Variants in PLCZ1 observed in about 807,000 individuals in gnomAD.
PLCZ1 encodes the protein phospholipase C zeta 1, also known as 1-phosphatidylinositol 4,5-bisphosphate phosphodiesterase zeta-1.
Under a neutral mutation model 76.8 loss-of-function variants are expected in PLCZ1, and 64 were observed. The ratio of observed to expected loss-of-function variants is 0.83; its 90% CI spans 0.68 to 1.03. The LOEUF (loss-of-function observed/expected upper bound fraction) is 1.03, where lower values mean the gene tolerates loss of function less well. PLCZ1 is among the 50% of genes least tolerant of loss of function. The pLI is 0.00. For missense variants in PLCZ1, 751 were observed against 713.7 expected, an observed-to-expected ratio of 1.05 and a Z score of -0.60; for synonymous variants, 248 against 230.8, an observed-to-expected ratio of 1.07 and a Z score of -0.68.
the PLCZ1 span, among the ~76,000 whole-genome samples, chr12:18,677,337 C>T: frequency 6.6e-6 from 1 of 152,090 alleles, no homozygotes; most frequent in Non-Finnish European, 1.5e-5. Flanking sequence ...TGAATCAGCA[C>T]CGTGCAATCA....
the PLCZ1 span, among the ~76,000 whole-genome samples, chr12:18,676,215 T>A: frequency 6.6e-6 from 1 of 152,136 alleles, no homozygotes; most frequent in Admixed American, 6.6e-5. Flanking sequence ...CAGGTCCTAA[T>A]CATGTTGTTT....
intron 4 of PLCZ1, among the ~76,000 whole-genome samples, chr12:18,721,564 G>A (rs1362093995): frequency 1.3e-5 from 2 of 151,978 alleles, no homozygotes; most frequent in African/African-American, 2.4e-5. Context: ...GAAGTTTACA[G>A]TGCCAAAGTA....
chr12:18,713,796 G>A (rs1280461654), intron 5 of PLCZ1: 1 of 152,122 alleles, frequency 6.6e-6, no homozygotes, highest in Non-Finnish European at 1.5e-5. Flanking sequence ...TGCTTCTGCT[G>A]ATATCTAAAA....
chr12:18,675,940 C>T, the PLCZ1 span, among the ~76,000 whole-genome samples: 2 of 151,870 alleles, frequency 1.3e-5, no homozygotes, highest in African/African-American at 4.8e-5. Context: ...ATGACAAGCA[C>T]ATTAGAAACT....
intron 5 of PLCZ1, chr12:18,714,604 G>A: frequency 6.6e-6 from 1 of 152,130 alleles, no homozygotes; most frequent in Admixed American, 6.6e-5. Context: ...AAGCTCCCTT[G>A]TCATACATAG....
At chr12:18,671,437 C>T in the PLCZ1 span, among the ~76,000 whole-genome samples, 1 of 152,126 alleles carries the variant, frequency 6.6e-6, no homozygotes, top group East Asian at 1.9e-4. Context: ...CTGTGTGTGA[C>T]TGCGTCAGCA....
At chr12:18,668,949 G>A in the PLCZ1 span, among the ~76,000 whole-genome samples, 29 of 151,924 alleles carry the variant, frequency 1.9e-4, no homozygotes, top group African/African-American at 5.1e-4. Context: ...AGAAAAAATC[G>A]TGAATAAGAG....
chr12:18,686,124 A>G (rs1017616789), intron 13 of PLCZ1, among the ~76,000 whole-genome samples: 36 of 151,940 alleles, frequency 2.4e-4, no homozygotes, highest in Middle Eastern at 3.2e-3. Flanking sequence ...TTTCTCACTT[A>G]CATCCCCCAT....
chr12:18,706,009 C>T (rs543805273), intron 6 of PLCZ1, among the ~76,000 whole-genome samples: 7 of 151,906 alleles, frequency 4.6e-5, no homozygotes, highest in Non-Finnish European at 1.0e-4. Context: ...GGTGGATCAC[C>T]TGGGGTCAGG....
At position 18,696,157 on chromosome 12, in the gene PLCZ1, AC is replaced by A. The variant is rs763891633; in HGVS notation, c.1283del (p.Cys428PhefsTer6). ...FNPQEFWNIG[C>X]QMVALNFQTP... is the part of the protein sequence containing the mutation. ...ATATCGTATATAACATACCCATTTG[AC>A]AACCTATATTCCAAAATTCTTGGGG... On this transcript the variant is annotated frameshift_variant, in exon 11 of 15. Coordinates refer to ENST00000266505, the MANE Select transcript of PLCZ1 (RefSeq NM_033123.4). LOFTEE classifies it high-confidence loss of function. 1.3e-6 allele frequency: 2 copies of A among 1,509,150 alleles called. No homozygotes were observed. The highest frequency in any genetic ancestry group is 2.3e-5 in the South Asian group (2 of 88,200). The allele number at this position is 1,509,150 out of a possible 1,614,324, so 93.5% of individuals were successfully genotyped here.
At chr12:18,725,604 T>C (rs565849311) in intron 3 of PLCZ1, among the ~76,000 whole-genome samples, 10 of 152,246 alleles carry the variant, frequency 6.6e-5, no homozygotes, top group Admixed American at 2.0e-4. Context: ...TCCTTTGTCT[T>C]CAAGACAAAA....
downstream of PLCZ1, among the ~76,000 whole-genome samples, chr12:18,681,703 T>C (rs1353427243): frequency 3.9e-5 from 6 of 152,066 alleles, no homozygotes; most frequent in South Asian, 2.1e-4. Flanking sequence ...ATTCCTAATA[T>C]AGAGTGGAAT....
chr12:18,667,735 T>A, the PLCZ1 span, among the ~76,000 whole-genome samples: 1 of 152,126 alleles, frequency 6.6e-6, no homozygotes, highest in Non-Finnish European at 1.5e-5. Context: ...CAATAGTATT[T>A]CTATGTTTAA....
chr12:18,691,067 G>C (rs994949277), intron 12 of PLCZ1, among the ~76,000 whole-genome samples: 1 of 152,136 alleles, frequency 6.6e-6, no homozygotes, highest in Non-Finnish European at 1.5e-5. Flanking sequence ...CCTGATGACA[G>C]GTAGTAAATT....
chr12:18,650,547 A>G, the PLCZ1 span, among the ~76,000 whole-genome samples: 1 of 150,148 alleles, frequency 6.7e-6, no homozygotes, highest in South Asian at 2.1e-4. Flanking sequence ...ATTACCATAT[A>G]AACACATGAA....
At chr12:18,726,868 C>T (rs191457041) in intron 3 of PLCZ1, among the ~76,000 whole-genome samples, 64 of 152,206 alleles carry the variant, frequency 4.2e-4, no homozygotes, top group Admixed American at 1.5e-3. Context: ...CAAACTCTCG[C>T]GCTAGTTTAA....
intron 14 of PLCZ1, 159 bp from the exon 15 acceptor site, chr12:18,683,483 A>G (rs1952631900): frequency 6.8e-7 from 1 of 1,476,562 alleles, no homozygotes; most frequent in Non-Finnish European, 9.2e-7. Context: ...CACAAAAATT[A>G]AATATTTGCA....
chr12:18,652,920 A>G, the PLCZ1 span, among the ~76,000 whole-genome samples: 1 of 151,966 alleles, frequency 6.6e-6, no homozygotes, highest in East Asian at 1.9e-4. Flanking sequence ...GAATATACAT[A>G]TTCTGTCTCA....
At chr12:18,650,195 T>G in the PLCZ1 span, among the ~76,000 whole-genome samples, 801 of 151,896 alleles carry the variant, frequency 5.3e-3, 9 homozygotes, top group African/African-American at 0.019. Flanking sequence ...AGGGTTCTTT[T>G]CCCCCAGACC....
Sources: allele counts gnomAD v4.1 joint callset (sites outside exome capture counted in the v4.1 genomes callset), GRCh38; gene constraint gnomAD v4.1.1; transcripts MANE v1.5; gene names NCBI Gene and HGNC (gene_info 2026-07-23, HGNC 2026-07-21).